The following DNAH3 variants were observed in gnomAD, a reference collection of about 807,000 sequenced individuals.
DNAH3 encodes dynein axonemal heavy chain 3.
Under a neutral mutation model 432.5 loss-of-function variants are expected in DNAH3, and 332 were observed. The ratio of observed to expected loss-of-function variants is 0.77; its 90% CI spans 0.70 to 0.84. The LOEUF is 0.84. DNAH3 is among the 40% of genes least tolerant of loss of function. The pLI is 0.00. For missense variants in DNAH3, 4,861 were observed against 5,114.0 expected, an observed-to-expected ratio of 0.95 and a Z score of 1.51; for synonymous variants, 1,956 against 1,900.2, an observed-to-expected ratio of 1.03 and a Z score of -0.76.
chr16:21,062,393 T>A, intron 25 of DNAH3, 89 bp downstream of exon 25: 1 of 1,055,298 alleles, frequency 9.5e-7, no homozygotes, highest in Non-Finnish European at 1.4e-6. Context: ...CCCCAGGCAG[T>A]CTGGTGCTTA....
At chr16:21,155,576 A>C (rs1447808444) in intron 1 of DNAH3, among the ~76,000 whole-genome samples, 2 of 142,458 alleles carry the variant, frequency 1.4e-5, no homozygotes, top group Non-Finnish European at 3.0e-5. Flanking sequence ...AAGCCGAGAT[A>C]GCGCCACTGC....
chr16:20,987,180 G>C (rs1480766914), intron 47 of DNAH3, 125 bp downstream of exon 47: 5 of 1,212,556 alleles, frequency 4.1e-6, no homozygotes, highest in Non-Finnish European at 5.8e-6. Context: ...ACTCAATACT[G>C]TTTCCCGAGA....
exon 41 of DNAH3, chr16:21,019,850 T>C: frequency 6.2e-7 from 1 of 1,614,128 alleles, no homozygotes; most frequent in Non-Finnish European, 8.5e-7. Context: ...TTTCCTCCTC[T>C]TCTACTGCCC....
chr16:20,944,890 A>T (rs1296593582), intron 57 of DNAH3, among the ~76,000 whole-genome samples: 1 of 152,018 alleles, frequency 6.6e-6, no homozygotes, highest in East Asian at 1.9e-4. Context: ...CCTCTCGCCC[A>T]CCCTGGCTTC....
intron 37 of DNAH3, 117 bp from the exon 38 acceptor site, chr16:21,027,244 A>G (rs2088616167): frequency 1.4e-6 from 1 of 732,084 alleles, no homozygotes; most frequent in Admixed American, 2.1e-5. Flanking sequence ...TTTCTTGAGC[A>G]CTTATGATGT....
At position 20,959,748 on chromosome 16, in the gene DNAH3, G is replaced by A. The variant is rs577674776; in HGVS notation, c.10601-344C>T. On this transcript the variant is annotated intron_variant, in intron 53 of 61. Transcript: ENST00000261383. ...ATTACAAAATAAACATCTCTCTGGG[G>A]AAACTTTAGACATCAGATCAGATGG... Among the ~76,000 whole-genome samples the A allele has an allele frequency of 3.3e-5, 5 of 152,092 alleles. No homozygotes were observed. The East Asian group carries it at 9.6e-4, about 29-fold the overall frequency.
intron 37 of DNAH3, 114 bp downstream of exon 37, chr16:21,030,931 A>G (rs1312562399): frequency 9.4e-7 from 1 of 1,066,554 alleles, no homozygotes; most frequent in African/African-American, 1.6e-5. Context: ...CTTAATGTAT[A>G]CAGAATACAT....
intron 41 of DNAH3, among the ~76,000 whole-genome samples, chr16:21,016,721 C>T (rs1028087949): frequency 6.6e-6 from 1 of 152,156 alleles, no homozygotes; most frequent in South Asian, 2.1e-4. Flanking sequence ...TTCATAGCAG[C>T]TTTATTCGCA....
chr16:20,968,963 C>T (rs1316461127), intron 52 of DNAH3, among the ~76,000 whole-genome samples: 2 of 152,092 alleles, frequency 1.3e-5, no homozygotes, highest in African/African-American at 4.8e-5. Flanking sequence ...CTCTGTCGCT[C>T]TCTGCATATT....
intron 20 of DNAH3, among the ~76,000 whole-genome samples, chr16:21,078,015 C>T (rs1445902798): frequency 1.3e-5 from 2 of 152,136 alleles, no homozygotes; most frequent in African/African-American, 4.8e-5. Context: ...GTGGCTCACT[C>T]CTGTAATCCC....
In DNAH3 at chr16:20,959,439, G is replaced by A. The variant is rs776716508; in HGVS notation, c.10601-35C>T. 3.5e-5 allele frequency: 56 copies of A among 1,592,162 alleles called. 1 individual carries two copies. In the South Asian group the frequency reaches 5.0e-4, roughly 14 times the overall value. On this transcript the variant is annotated intron_variant, in intron 53 of 61. Coordinates refer to ENST00000261383, the Ensembl canonical transcript of DNAH3. ...GGAAGAAAGGAGGCTTTTGAAAGAC[G>A]ACAGGCCAGCTAACAGTAACAGAAC... is the stretch of plus-strand genomic sequence containing the variant.
chr16:21,119,769 T>C (rs1279946084), intron 11 of DNAH3, among the ~76,000 whole-genome samples: 1 of 151,820 alleles, frequency 6.6e-6, no homozygotes, highest in African/African-American at 2.4e-5. Context: ...GCTAATTTTT[T>C]GTATTTTTAG....
At chr16:21,053,056 G>A (rs142411280) in intron 28 of DNAH3, among the ~76,000 whole-genome samples, 52 of 152,244 alleles carry the variant, frequency 3.4e-4, no homozygotes, top group African/African-American at 6.3e-4. Flanking sequence ...CATTCATTAC[G>A]TTTTTGGTAA....
intron 57 of DNAH3, among the ~76,000 whole-genome samples, chr16:20,946,543 A>C (rs2084051663): frequency 1.3e-5 from 2 of 152,192 alleles, no homozygotes; most frequent in South Asian, 4.1e-4. Flanking sequence ...AATATTTTAC[A>C]GGGTAAGAAA....
At chr16:21,135,496 C>T (rs1241276606) in intron 6 of DNAH3, among the ~76,000 whole-genome samples, 3 of 152,102 alleles carry the variant, frequency 2.0e-5, no homozygotes, top group African/African-American at 4.8e-5. Context: ...AATTCGAGAC[C>T]AGACTGGCCA....
intron 22 of DNAH3, among the ~76,000 whole-genome samples, chr16:21,070,344 G>A (rs934618597): frequency 1.4e-4 from 21 of 151,976 alleles, no homozygotes; most frequent in African/African-American, 3.9e-4. Flanking sequence ...GTGCAATGGC[G>A]CGATCTCGGC....
chr16:21,039,405 A>C (rs2089326276), intron 33 of DNAH3, among the ~76,000 whole-genome samples: 1 of 151,874 alleles, frequency 6.6e-6, no homozygotes, highest in South Asian at 2.1e-4. Flanking sequence ...TTTTTGGTAG[A>C]GACAGGGTTT....
At chr16:21,135,562 G>A (rs1181537528) in intron 6 of DNAH3, among the ~76,000 whole-genome samples, 1 of 152,062 alleles carries the variant, frequency 6.6e-6, no homozygotes, top group Non-Finnish European at 1.5e-5. Flanking sequence ...GAGTGGTGGT[G>A]CGTGCCTGTA....
At position 20,983,454 on chromosome 16, in the gene DNAH3, A is replaced by C. The variant is rs552198439; in HGVS notation, c.7666-540T>G. ...TTACCTTCTAACTGGTCTCCCATAC[A>C]CACTATTGTTCCTTCCGCATCCTTC... On this transcript the variant is annotated intron_variant, in intron 48 of 61. Coordinates refer to ENST00000261383, the Ensembl canonical transcript of DNAH3. Among the ~76,000 whole-genome samples, 3 of 147,528 alleles carry C rather than the reference A, an allele frequency of 2.0e-5. No individual in the cohort carries two copies. The South Asian group carries it at 6.4e-4, about 31-fold the overall frequency.
Sources: gnomAD v4.1 joint callset for allele counts (sites outside exome capture counted in the v4.1 genomes callset) on GRCh38, gnomAD v4.1.1 for gene constraint, MANE v1.5 for transcripts, NCBI Gene and HGNC (gene_info 2026-07-23, HGNC 2026-07-21) for gene names.